TDRD5: variants seen among roughly 807,000 people sequenced by gnomAD.
TDRD5 encodes tudor domain containing 5.
TDRD5 carries 41 observed loss-of-function variants against 120.6 expected under a neutral mutation model. The ratio of observed to expected loss-of-function variants is 0.34; its 90% CI spans 0.26 to 0.44. TDRD5 has a LOEUF of 0.44. TDRD5 is among the 20% of genes least tolerant of loss of function. TDRD5 has a pLI of 1.00. For synonymous variants in TDRD5, 430 were observed against 433.7 expected (o/e 0.99, Z 0.11); for missense variants, 1,006 against 1,221.2 (o/e 0.82, Z 2.63).
chr1:179,607,422 T>A (rs1173386370), intron 4 of TDRD5, among the ~76,000 whole-genome samples: 1 of 152,138 alleles, frequency 6.6e-6, no homozygotes, highest in East Asian at 1.9e-4. Flanking sequence ...TTTCCTTTTC[T>A]TGACTTACTG....
At chr1:179,675,437 G>A (rs1234911961) in intron 17 of TDRD5, among the ~76,000 whole-genome samples, 7 of 149,076 alleles carry the variant, frequency 4.7e-5, no homozygotes, top group Admixed American at 6.7e-5. Flanking sequence ...CCACCACCAC[G>A]CCCGGCTAAT....
At chr1:179,632,657 A>G (rs1677521962) in intron 7 of TDRD5, among the ~76,000 whole-genome samples, 5 of 152,186 alleles carry the variant, frequency 3.3e-5, no homozygotes, top group Admixed American at 3.3e-4. Flanking sequence ...AATTCCAACA[A>G]TACAGAGGTA....
At chr1:179,597,388 A>T (rs1235677944) in intron 4 of TDRD5, among the ~76,000 whole-genome samples, 1 of 145,380 alleles carries the variant, frequency 6.9e-6, no homozygotes, top group African/African-American at 2.6e-5. Context: ...CTGGAGTGCA[A>T]TGGTGCGATC....
chr1:179,662,876 A>G (rs534339300), intron 15 of TDRD5, among the ~76,000 whole-genome samples: 400 of 152,286 alleles, frequency 2.6e-3, no homozygotes, highest in Non-Finnish European at 4.2e-3. Flanking sequence ...GGATCTATAA[A>G]TAAATGAAAG....
chr1:179,660,026 A>G (rs2102092143), intron 14 of TDRD5, among the ~76,000 whole-genome samples: 1 of 152,092 alleles, frequency 6.6e-6, no homozygotes, highest in Admixed American at 6.6e-5. Context: ...CCACTCTGAC[A>G]ATCTGAATTT....
At chr1:179,592,937 TC>T in intron 2 of TDRD5, 90 bp downstream of exon 2, 1 of 1,289,746 alleles carries the variant, frequency 7.8e-7, no homozygotes, top group Non-Finnish European at 1.1e-6. Context: ...TTATTATGCA[TC>T]CCAGCCAGTG....
At chr1:179,652,553 T>C (rs944257201) in intron 13 of TDRD5, among the ~76,000 whole-genome samples, 3 of 152,148 alleles carry the variant, frequency 2.0e-5, no homozygotes, top group African/African-American at 4.8e-5. Context: ...AATAATAATA[T>C]TGTAATGTTA....
Position 179,635,820 on chromosome 1 carries a change from C to G in TDRD5, c.1453C>G (p.Gln485Glu), listed in dbSNP as rs1205795551. 3 of 1,613,790 alleles carry G rather than the reference C, an allele frequency of 1.9e-6. No individual in the cohort carries two copies. In the Admixed American group the frequency reaches 5.0e-5, roughly 27 times the overall value. The part of the protein sequence containing the change: ...VFVEYIISPS[Q>E]FYIRIYSRDS... ...TGTGGAGTATATCATCTCTCCTAGT[C>G]AATTCTACATCCGGATCTATAGCAG... Residue 485 changes from glutamine (Q) to glutamate (E), a missense_variant, in exon 9 of 18, where the codon CAA (glutamine) becomes GAA (glutamate). By Grantham distance (29) the Gln-to-Glu change is conservative. Coordinates refer to ENST00000444136, the MANE Select transcript of TDRD5 (RefSeq NM_001199085.3).
intron 14 of TDRD5, 84 bp from the exon 15 acceptor site, chr1:179,662,020 G>C: frequency 2.3e-6 from 3 of 1,324,588 alleles, no homozygotes; most frequent in Non-Finnish European, 3.0e-6. Flanking sequence ...CCTGGAGTCA[G>C]GAAAAAACTA....
intron 17 of TDRD5, among the ~76,000 whole-genome samples, chr1:179,683,545 C>T (rs1289307884): frequency 2.0e-5 from 3 of 152,160 alleles, no homozygotes; most frequent in Non-Finnish European, 4.4e-5. Flanking sequence ...GAACATAACT[C>T]ATCACAAAAG....
chr1:179,655,300 T>C (rs1303737034), intron 14 of TDRD5, among the ~76,000 whole-genome samples: 2 of 152,196 alleles, frequency 1.3e-5, no homozygotes, highest in South Asian at 2.1e-4. Flanking sequence ...GTTACTGATA[T>C]AGTATATCAA....
Position 179,655,590 on chromosome 1 carries a change from C to T in TDRD5, c.2322+1228C>T, listed in dbSNP as rs151226718. 3.0e-4 allele frequency among the ~76,000 whole-genome samples: 45 copies of T among 152,306 alleles called. No homozygotes were observed. In the East Asian group the frequency reaches 8.3e-3, roughly 28 times the overall value. Reference sequence around the variant, plus strand: ...CATCTAAAATAACTCCCTTGTGCTACTGCTTTGTAATCACAGTCTCCCCAC... The same window carrying T: ...CATCTAAAATAACTCCCTTGTGCTATTGCTTTGTAATCACAGTCTCCCCAC... On this transcript the variant is annotated intron_variant, in intron 14 of 17. Coordinates refer to ENST00000444136, the MANE Select transcript of TDRD5 (RefSeq NM_001199085.3).
intron 9 of TDRD5, among the ~76,000 whole-genome samples, chr1:179,636,302 T>C (rs1444760711): frequency 6.6e-6 from 1 of 152,178 alleles, no homozygotes; most frequent in East Asian, 1.9e-4. Flanking sequence ...TTTCAGAAAA[T>C]TGTGAATATT....
intron 17 of TDRD5, among the ~76,000 whole-genome samples, chr1:179,684,400 G>T (rs1411287595): frequency 6.6e-6 from 1 of 152,148 alleles, no homozygotes; most frequent in Non-Finnish European, 1.5e-5. Context: ...TGGCTGCATA[G>T]TATTCCATGG....
chr1:179,664,479 C>T (rs1679465440), intron 16 of TDRD5, among the ~76,000 whole-genome samples: 1 of 152,126 alleles, frequency 6.6e-6, no homozygotes, highest in South Asian at 2.1e-4. Flanking sequence ...CTTCCCTGTC[C>T]TCTCACAGCC....
At chr1:179,684,957 T>G (rs1680622516) in intron 17 of TDRD5, among the ~76,000 whole-genome samples, 1 of 152,166 alleles carries the variant, frequency 6.6e-6, no homozygotes, top group Non-Finnish European at 1.5e-5. Flanking sequence ...CTTTGTCAGA[T>G]GGGTAGATTG....
Position 179,652,113 on chromosome 1 carries a change from A to G in TDRD5, c.2076A>G (p.Glu692=), listed in dbSNP as rs1422322421. Residue 692 remains glutamate, a synonymous_variant, in exon 13 of 18, where the codon GAA becomes GAG. Coordinates refer to ENST00000444136, the MANE Select transcript of TDRD5 (RefSeq NM_001199085.3). ...SGGPEDIVLT[E]LGYPSQQHYF... ...GGCCAGAGGACATTGTCTTGACAGA[A>G]CTGGGTTATCCTTCCCAGCAGCACT... 2 of 1,614,068 alleles carry G rather than the reference A, an allele frequency of 1.2e-6. No individual in the cohort carries two copies. The highest frequency in any genetic ancestry group is 1.7e-6 in the Non-Finnish European group (2 of 1,180,004).
At chr1:179,599,666 C>A (rs1184813303) in intron 4 of TDRD5, among the ~76,000 whole-genome samples, 2 of 151,940 alleles carry the variant, frequency 1.3e-5, no homozygotes, top group African/African-American at 4.8e-5. Context: ...TCTTTAGGGT[C>A]TGTGATGCTT....
intron 13 of TDRD5, among the ~76,000 whole-genome samples, chr1:179,653,365 T>C (rs949176881): frequency 6.6e-6 from 1 of 152,158 alleles, no homozygotes; most frequent in African/African-American, 2.4e-5. Context: ...TTAGAAAAGA[T>C]AAAGGCCATT....
Sources: allele counts gnomAD v4.1 joint callset (sites outside exome capture counted in the v4.1 genomes callset), GRCh38; gene constraint gnomAD v4.1.1; transcripts MANE v1.5; gene names NCBI Gene and HGNC (gene_info 2026-07-23, HGNC 2026-07-21).